BICC1: variants seen among roughly 807,000 people sequenced by gnomAD.
The protein encoded by BICC1 is BicC family RNA binding protein 1.
A neutral mutation model predicts 111.0 loss-of-function variants in BICC1; 43 were observed. The observed-to-expected ratio is 0.39, with a 90% CI of 0.30 to 0.50. The LOEUF (loss-of-function observed/expected upper bound fraction) is 0.50, where lower values mean the gene tolerates loss of function less well. BICC1 is among the 20% of genes least tolerant of loss of function. BICC1 has a pLI of 0.88. For synonymous variants in BICC1, 467 were observed against 434.4 expected (o/e 1.07, Z -0.93); for missense variants, 1,091 against 1,203.2 (o/e 0.91, Z 1.38).
chr10:58,792,965 G>A (rs749412620), intron 8 of BICC1, among the ~76,000 whole-genome samples: 10 of 152,214 alleles, frequency 6.6e-5, no homozygotes, highest in Admixed American at 5.2e-4. Flanking sequence ...TTAAAGGATC[G>A]TTGGGAGGCT....
At chr10:58,625,202 TAC>T (rs1250638127) in intron 2 of BICC1, among the ~76,000 whole-genome samples, 2 of 152,256 alleles carry the variant, frequency 1.3e-5, no homozygotes, top group African/African-American at 4.8e-5. Context: ...TCCAGTTTTT[TAC>T]AGTTCTTTGG....
At chr10:58,524,986 G>T (rs1208118723) in intron 1 of BICC1, among the ~76,000 whole-genome samples, 2 of 151,382 alleles carry the variant, frequency 1.3e-5, no homozygotes, top group African/African-American at 4.8e-5. Flanking sequence ...GGCCATCAGA[G>T]AAATGCAAAT....
At chr10:58,813,716 C>A in intron 17 of BICC1, 114 bp from the exon 18 acceptor site, 2 of 1,073,814 alleles carry the variant, frequency 1.9e-6, no homozygotes, top group Non-Finnish European at 2.7e-6. Context: ...TGAGTAACTG[C>A]GGTGGTTGGC....
At chr10:58,641,873 G>A (rs1475200628) in intron 2 of BICC1, among the ~76,000 whole-genome samples, 1 of 152,100 alleles carries the variant, frequency 6.6e-6, no homozygotes, top group Non-Finnish European at 1.5e-5. Context: ...AATTCACATT[G>A]TGATTCACAT....
At chr10:58,807,373 C>T (rs1843741945) in intron 17 of BICC1, among the ~76,000 whole-genome samples, 2 of 152,046 alleles carry the variant, frequency 1.3e-5, no homozygotes, top group Admixed American at 6.6e-5. Flanking sequence ...TTGGTCAGCT[C>T]TTAAAGAGAT....
Position 58,767,256 on chromosome 10 carries a change from C to T in BICC1, c.308-17745C>T, listed in dbSNP as rs1357299236. Among the ~76,000 whole-genome samples the T allele has an allele frequency of 7.2e-5, 11 of 152,220 alleles. No homozygotes were observed. In the East Asian group the frequency reaches 2.1e-3, roughly 30 times the overall value. The stretch of plus-strand genomic sequence containing the variant: ...ATAAACTGAGCATTTCAGGGCACTG[C>T]CCTAGGGAAAGCAAATGAAAGGCTC... On this transcript the variant is annotated intron_variant, in intron 3 of 20. Coordinates refer to ENST00000373886, the MANE Select transcript of BICC1 (RefSeq NM_001080512.3).
At chr10:58,776,776 A>T (rs969920510) in intron 3 of BICC1, among the ~76,000 whole-genome samples, 1 of 152,160 alleles carries the variant, frequency 6.6e-6, no homozygotes, top group East Asian at 1.9e-4. Context: ...AACCATTCTA[A>T]TGATTCCAGA....
At chr10:58,769,069 T>C (rs1283632840) in intron 3 of BICC1, among the ~76,000 whole-genome samples, 1 of 152,006 alleles carries the variant, frequency 6.6e-6, no homozygotes, top group East Asian at 1.9e-4. Context: ...ATATAACTTA[T>C]ATGTCAAATC....
At chr10:58,673,873 C>T (rs999407367) in intron 2 of BICC1, among the ~76,000 whole-genome samples, 4 of 151,682 alleles carry the variant, frequency 2.6e-5, no homozygotes, top group African/African-American at 2.4e-5. Flanking sequence ...TCAGGTGATC[C>T]GTCTGCCTTG....
At chr10:58,648,541 T>C in intron 2 of BICC1, 3 of 985,344 alleles carry the variant, frequency 3.0e-6, no homozygotes, top group Non-Finnish European at 3.6e-6. Flanking sequence ...TGTCTGTTGC[T>C]TTCAAAGGCT....
intron 3 of BICC1, among the ~76,000 whole-genome samples, chr10:58,742,514 T>C (rs1841702284): frequency 6.7e-6 from 1 of 148,756 alleles, no homozygotes; most frequent in East Asian, 2.0e-4. Context: ...CTCAGCTCAC[T>C]GTAACCTCTT....
chr10:58,588,303 A>G lies in BICC1; in HGVS notation c.191-32552A>G, dbSNP rs146770346. Among the ~76,000 whole-genome samples, 10 of 152,318 alleles carry G rather than the reference A, an allele frequency of 6.6e-5. No individual in the cohort carries two copies. In the East Asian group the frequency reaches 1.9e-3, roughly 29 times the overall value. On this transcript the variant is annotated intron_variant, in intron 1 of 20. Coordinates refer to ENST00000373886, the MANE Select transcript of BICC1 (RefSeq NM_001080512.3). ...GACAAACACATTTGGGGACAAACACAGTTGAACCTTGGTAAGTAGATGATA... is the reference window on the plus strand; with the variant it reads ...GACAAACACATTTGGGGACAAACACGGTTGAACCTTGGTAAGTAGATGATA...
At chr10:58,816,263 C>G (rs1268103608) in intron 18 of BICC1, among the ~76,000 whole-genome samples, 3 of 152,090 alleles carry the variant, frequency 2.0e-5, no homozygotes, top group African/African-American at 7.2e-5. Flanking sequence ...ACCTTTGACC[C>G]GGTACCTCAA....
intron 2 of BICC1, among the ~76,000 whole-genome samples, chr10:58,695,945 A>G (rs1014166098): frequency 6.6e-6 from 1 of 152,210 alleles, no homozygotes; most frequent in Non-Finnish European, 1.5e-5. Context: ...TCTAACTTTA[A>G]CAGTTTATTT....
intron 3 of BICC1, among the ~76,000 whole-genome samples, chr10:58,761,632 G>A (rs1842318935): frequency 6.6e-6 from 1 of 152,130 alleles, no homozygotes; most frequent in Admixed American, 6.5e-5. Flanking sequence ...ATGTGTTGTT[G>A]AGAATGGATG....
intron 1 of BICC1, among the ~76,000 whole-genome samples, chr10:58,586,067 T>G (rs1172468817): frequency 1.3e-5 from 2 of 152,206 alleles, no homozygotes; most frequent in Admixed American, 1.3e-4. Context: ...CACTGGAAAG[T>G]GATAGTTTAT....
intron 3 of BICC1, among the ~76,000 whole-genome samples, chr10:58,714,638 A>G (rs1298980713): frequency 6.6e-6 from 1 of 152,034 alleles, no homozygotes; most frequent in Non-Finnish European, 1.5e-5. Flanking sequence ...GTTTTTGAAC[A>G]CCACAATGGT....
intron 3 of BICC1, among the ~76,000 whole-genome samples, chr10:58,738,270 A>G (rs1016536529): frequency 2.6e-5 from 4 of 152,164 alleles, no homozygotes; most frequent in Admixed American, 6.5e-5. Flanking sequence ...TTTGTATAAG[A>G]TGTAAGGAAG....
intron 1 of BICC1, among the ~76,000 whole-genome samples, chr10:58,600,130 G>A (rs938043787): frequency 1.3e-5 from 2 of 152,120 alleles, no homozygotes; most frequent in Non-Finnish European, 2.9e-5. Flanking sequence ...TTCTGCCCAT[G>A]TGTGTTGGGG....
Sources: allele counts gnomAD v4.1 joint callset (sites outside exome capture counted in the v4.1 genomes callset), GRCh38; gene constraint gnomAD v4.1.1; transcripts MANE v1.5; gene names NCBI Gene and HGNC (gene_info 2026-07-23, HGNC 2026-07-21).